CLCC1: variants seen among roughly 807,000 people sequenced by gnomAD.
The protein encoded by CLCC1 is chloride channel CLIC-like protein 1.
A neutral mutation model predicts 63.3 loss-of-function variants in CLCC1; 39 were observed. That is an observed-to-expected ratio of 0.62 (90% CI 0.48 to 0.81). The LOEUF (loss-of-function observed/expected upper bound fraction) is 0.81. Ranked by LOEUF, CLCC1 falls within the 30% of genes least tolerant of loss-of-function variation. The pLI, the probability that CLCC1 is intolerant of heterozygous loss-of-function variation, is 0.00. For missense variants in CLCC1, 549 were observed against 669.4 expected (o/e 0.82, Z 1.98); for synonymous variants, 217 against 239.8 (o/e 0.90, Z 0.88).
chr1:108,934,582 A>T, intron 12 of CLCC1, 43 bp downstream of exon 12: 1 of 1,468,056 alleles, frequency 6.8e-7, no homozygotes, highest in Non-Finnish European at 9.1e-7. Flanking sequence ...TAGTAATCAG[A>T]ATTCTTGCAG....
At chr1:108,943,431 G>T in intron 7 of CLCC1, 44 bp downstream of exon 7, 1 of 1,584,040 alleles carries the variant, frequency 6.3e-7, no homozygotes, top group East Asian at 2.2e-5. Context: ...CTTTCATTGT[G>T]AATAAATGTG....
intron 8 of CLCC1, among the ~76,000 whole-genome samples, chr1:108,940,435 A>G (rs1317210450): frequency 6.6e-6 from 1 of 152,198 alleles, no homozygotes; most frequent in Non-Finnish European, 1.5e-5. Flanking sequence ...CACAAACACA[A>G]ATGAGTACAG....
At chr1:108,953,419 G>C (rs1655457699) in intron 2 of CLCC1, among the ~76,000 whole-genome samples, 1 of 152,192 alleles carries the variant, frequency 6.6e-6, no homozygotes, top group Admixed American at 6.5e-5. Flanking sequence ...CATTAAATCA[G>C]AATCTCTGGG....
intron 11 of CLCC1, among the ~76,000 whole-genome samples, chr1:108,935,341 T>G (rs1230562841): frequency 6.6e-6 from 1 of 152,242 alleles, no homozygotes; most frequent in Admixed American, 6.5e-5. Flanking sequence ...AACTTATATT[T>G]AGGTTAGAAG....
At position 108,929,977 on chromosome 1, in the gene CLCC1, T is replaced by C. The variant is rs769424113; in HGVS notation, c.*2570A>G. ...TTATTTTTTTTCCTTTCAAACACGG[T>C]AAGGAAACAATCTATTACTTTTTTC... is the stretch of plus-strand genomic sequence containing the variant. On this transcript the variant is annotated 3_prime_UTR_variant, in exon 13 of 13. Coordinates refer to ENST00000369969, the MANE Select transcript of CLCC1 (RefSeq NM_001377458.1). 5.7e-6 allele frequency: 9 copies of C among 1,580,346 alleles called. No individual in the cohort carries two copies. Among genetic ancestry groups the C allele is most frequent in the Admixed American group, 1.7e-5 (1 of 59,552 alleles).
chr1:108,931,389 T>C lies in CLCC1; in HGVS notation c.*1158A>G. 5 of 1,551,192 alleles carry C rather than the reference T, an allele frequency of 3.2e-6. No individual in the cohort carries two copies. Among genetic ancestry groups the C allele is most frequent in the Non-Finnish European group, 4.4e-6 (5 of 1,147,130 alleles). On this transcript the variant is annotated 3_prime_UTR_variant, in exon 13 of 13. Transcript: ENST00000369969. ...AGCAAAAGACAAGTATGGGACAGAC[T>C]GGGACCTGGAGTAACACTGGATCAC... is the stretch of plus-strand genomic sequence containing the variant.
At position 108,934,691 on chromosome 1, in the gene CLCC1, C is replaced by T. The variant is rs145636232; in HGVS notation, c.1635G>A (p.Pro545=). 3.0e-5 allele frequency: 48 copies of T among 1,613,314 alleles called. No individual in the cohort carries two copies. The highest frequency in any genetic ancestry group is 5.3e-5 in the African/African-American group (4 of 74,906). ...TCCTCTAGCCACAGGGGCTGCTGACCGGATCCTGTCCACGTGGTCCAGCCA... is the reference window on the plus strand; with the variant it reads ...TCCTCTAGCCACAGGGGCTGCTGACTGGATCCTGTCCACGTGGTCCAGCCA... ...RGVAGPRGQD[P]VSSPCG is the part of the protein sequence containing the mutation. Residue 545 remains proline (P), a synonymous_variant, in exon 12 of 13, where the codon CCG becomes CCA. Transcript: ENST00000369969.
intron 2 of CLCC1, among the ~76,000 whole-genome samples, chr1:108,952,471 C>A (rs978491042): frequency 3.3e-5 from 5 of 152,106 alleles, no homozygotes; most frequent in African/African-American, 9.7e-5. Flanking sequence ...GCGCTTGGCC[C>A]CCCCTGTTTT....
At chr1:108,947,079 G>T (rs1654638772) in intron 5 of CLCC1, among the ~76,000 whole-genome samples, 1 of 152,094 alleles carries the variant, frequency 6.6e-6, no homozygotes, top group South Asian at 2.1e-4. Flanking sequence ...AGGGAGAATT[G>T]CTGGAACCCG....
chr1:108,959,705 T>A (rs1656380535), intron 2 of CLCC1, among the ~76,000 whole-genome samples: 1 of 152,140 alleles, frequency 6.6e-6, no homozygotes, highest in African/African-American at 2.4e-5. Flanking sequence ...GAATGTATAC[T>A]CCAAGGGTAA....
intron 9 of CLCC1, 84 bp downstream of exon 9, chr1:108,939,961 A>C: frequency 7.6e-7 from 1 of 1,308,170 alleles, no homozygotes; most frequent in Non-Finnish European, 1.1e-6. Flanking sequence ...GCTTATTAGC[A>C]AAATGACTCA....
At position 108,931,673 on chromosome 1, in the gene CLCC1, GTTTCATGTATAC is replaced by G; in HGVS notation, c.*862_*873del. ...TAAATTACAACCTGGATTACATTATGTTTCATGTATACTATAAGGTATGATGTCCTGGATAGC... is the reference window on the plus strand; with the variant it reads ...TAAATTACAACCTGGATTACATTATGTATAAGGTATGATGTCCTGGATAGC... On this transcript the variant is annotated 3_prime_UTR_variant, in exon 13 of 13. Transcript: ENST00000369969. 1 of 789,952 alleles carries G rather than the reference GTTTCATGTATAC, an allele frequency of 1.3e-6. No individual in the cohort carries two copies. The highest frequency in any genetic ancestry group is 1.8e-6 in the Non-Finnish European group (1 of 541,044). The allele number at this position is 789,952 out of a possible 1,614,324, so 48.9% of individuals were successfully genotyped here.
chr1:108,948,963 ATCT>A (rs1420159635), intron 4 of CLCC1, among the ~76,000 whole-genome samples: 1 of 151,982 alleles, frequency 6.6e-6, no homozygotes, highest in African/African-American at 2.4e-5. Context: ...GTGGGTATAG[ATCT>A]TATTGGGCTA....
intron 12 of CLCC1, 94 bp from the exon 13 acceptor site, chr1:108,932,595 CA>C (rs1306905049): frequency 6.6e-6 from 1 of 152,086 alleles, no homozygotes; most frequent in Non-Finnish European, 1.5e-5. Flanking sequence ...GCATTAATTC[CA>C]CTCACAGTTA....
At chr1:108,942,958 C>T (rs1275177399) in intron 7 of CLCC1, among the ~76,000 whole-genome samples, 3 of 151,800 alleles carry the variant, frequency 2.0e-5, no homozygotes, top group African/African-American at 7.3e-5. Context: ...CTCTGTGGTC[C>T]AGGCTGGAGT....
chr1:108,959,506 C>G (rs1217672523), intron 2 of CLCC1, among the ~76,000 whole-genome samples: 2 of 152,146 alleles, frequency 1.3e-5, no homozygotes, highest in Admixed American at 1.3e-4. Flanking sequence ...AAAATTCCAG[C>G]CACAGTACAT....
intron 2 of CLCC1, among the ~76,000 whole-genome samples, chr1:108,954,428 G>A (rs188701377): frequency 6.6e-6 from 1 of 150,970 alleles, no homozygotes; most frequent in East Asian, 1.9e-4. Flanking sequence ...CCTGGGTGGG[G>A]GACGGAGGCT....
intron 5 of CLCC1, among the ~76,000 whole-genome samples, chr1:108,946,257 C>T (rs932010097): frequency 2.0e-5 from 3 of 147,546 alleles, no homozygotes; most frequent in Admixed American, 1.4e-4. Flanking sequence ...TTGCAGTGAG[C>T]GGAGATTGCG....
At position 108,929,755 on chromosome 1, in the gene CLCC1, C is replaced by T. The variant is rs763208536; in HGVS notation, c.*2792G>A. ...TCCACCACCTGCTACCACAAAGGGTCCGACAGTACCAGATGAAGACTTTTT... is the reference window on the plus strand; with the variant it reads ...TCCACCACCTGCTACCACAAAGGGTTCGACAGTACCAGATGAAGACTTTTT... On this transcript the variant is annotated 3_prime_UTR_variant, in exon 13 of 13. Coordinates refer to ENST00000369969, the MANE Select transcript of CLCC1 (RefSeq NM_001377458.1). The T allele has an allele frequency of 4.3e-6, 7 of 1,612,788 alleles. No homozygotes were observed. The African/African-American group carries it at 6.7e-5, about 15-fold the overall frequency.
Sources: gnomAD v4.1 joint callset for allele counts (sites outside exome capture counted in the v4.1 genomes callset) on GRCh38, gnomAD v4.1.1 for gene constraint, MANE v1.5 for transcripts, NCBI Gene and HGNC (gene_info 2026-07-23, HGNC 2026-07-21) for gene names.